Variants in YWHAZ observed in about 807,000 individuals in gnomAD.
YWHAZ encodes the protein 14-3-3 protein zeta/delta.
For synonymous variants in YWHAZ, 87 were observed against 103.6 expected, an observed-to-expected ratio of 0.84 and a Z score of 0.97; for missense variants, 79 against 284.8, an observed-to-expected ratio of 0.28 and a Z score of 5.20.
At chr8:100,937,470 T>C (rs982359676) in intron 2 of YWHAZ, among the ~76,000 whole-genome samples, 1 of 152,188 alleles carries the variant, frequency 6.6e-6, no homozygotes, top group East Asian at 1.9e-4. Context: ...CAAAGATAAT[T>C]AGACATCGAG....
At chr8:100,926,146 T>A (rs1442645298) in intron 2 of YWHAZ, among the ~76,000 whole-genome samples, 1 of 152,098 alleles carries the variant, frequency 6.6e-6, no homozygotes, top group Non-Finnish European at 1.5e-5. Context: ...TGTTTACCCA[T>A]TATGTTCCAA....
At chr8:100,928,894 A>T (rs1238696225) in intron 2 of YWHAZ, among the ~76,000 whole-genome samples, 1 of 152,224 alleles carries the variant, frequency 6.6e-6, no homozygotes, top group Non-Finnish European at 1.5e-5. Context: ...CCAAGAGACA[A>T]GACCAATTAA....
At chr8:100,945,469 T>C (rs897392437) in intron 2 of YWHAZ, among the ~76,000 whole-genome samples, 2 of 152,138 alleles carry the variant, frequency 1.3e-5, no homozygotes, top group Admixed American at 6.5e-5. Flanking sequence ...GCCAATACTA[T>C]TATTTCTGCA....
At position 100,919,813 on chromosome 8, in the gene YWHAZ, T is replaced by C. The variant is rs2130069813; in HGVS notation, c.*880A>G. On this transcript the variant is annotated 3_prime_UTR_variant, in exon 6 of 6. Coordinates refer to ENST00000395958, the MANE Select transcript of YWHAZ (RefSeq NM_145690.3). ...AGACATTAAACAAAGCTAGCCATCA[T>C]CTCAAGTTATTTCCCTGTTAACTAT... 1 of 150,444 alleles carries C rather than the reference T, an allele frequency of 6.6e-6. No individual in the cohort carries two copies. The highest frequency in any genetic ancestry group is 1.5e-5 in the Non-Finnish European group (1 of 67,810). The allele number at this position is 150,444 out of a possible 1,614,324, so 9.3% of individuals were successfully genotyped here. A position where few individuals can be genotyped will look rare whatever the true frequency, so the allele number is the denominator to read the frequency against.
rs1211522296 is a variant in YWHAZ, at chr8:100,919,305, AAG to A, written c.*1386_*1387del. 6.6e-6 allele frequency: 1 copy of A among 152,604 alleles called. No homozygotes were observed. Among genetic ancestry groups the A allele is most frequent in the Non-Finnish European group, 1.5e-5 (1 of 68,020 alleles). 9.5% of individuals were successfully genotyped at this position (152,604 alleles called of 1,614,324 possible). A position where few individuals can be genotyped will look rare whatever the true frequency, so the allele number is the denominator to read the frequency against. On this transcript the variant is annotated 3_prime_UTR_variant, in exon 6 of 6. Transcript: ENST00000395958. ...TATCAAGAAATTCTTAAAAACCAAAAAGTGATTTGGAAGCACAAAACTTACAG... is the reference window on the plus strand; with the variant it reads ...TATCAAGAAATTCTTAAAAACCAAAATGATTTGGAAGCACAAAACTTACAG...
intron 2 of YWHAZ, among the ~76,000 whole-genome samples, chr8:100,930,209 C>A (rs1813669723): frequency 6.6e-6 from 1 of 152,194 alleles, no homozygotes; most frequent in South Asian, 2.1e-4. Context: ...AGTGATTCTT[C>A]TGCCTCAGTC....
At chr8:100,940,680 T>G (rs546010403) in intron 2 of YWHAZ, among the ~76,000 whole-genome samples, 44 of 152,372 alleles carry the variant, frequency 2.9e-4, no homozygotes, top group African/African-American at 7.9e-4. Flanking sequence ...ATTTGCTATT[T>G]AACACCACCA....
intron 2 of YWHAZ, among the ~76,000 whole-genome samples, chr8:100,944,938 T>C: frequency 6.6e-6 from 1 of 152,206 alleles, no homozygotes; most frequent in East Asian, 1.9e-4. Context: ...ACATACTTCT[T>C]TGAGTTTGAA....
intron 2 of YWHAZ, among the ~76,000 whole-genome samples, chr8:100,934,151 TC>T (rs375899280): frequency 6.2e-5 from 3 of 48,176 alleles, no homozygotes; most frequent in African/African-American, 3.9e-4. Context: ...AAAGCTAGAC[TC>T]GTCTCAAAAA....
In YWHAZ at chr8:100,918,408, T is replaced by TTATATATATATATATATATATATATA. The variant is rs71572094; in HGVS notation, c.*2259_*2284dup. 37 of 41,860 alleles carry TTATATATATATATATATATATATATA rather than the reference T, an allele frequency of 8.8e-4. 1 individual carries two copies. Among genetic ancestry groups the TTATATATATATATATATATATATATA allele is most frequent in the Non-Finnish European group, 1.2e-3 (25 of 20,778 alleles). 2.6% of individuals were successfully genotyped at this position (41,860 alleles called of 1,614,324 possible). ...AGTCTAGCTATAAAATATAATTACT[T>TTATATATATATATATATATATATATA]TATATATATATATATATATATATAT... On this transcript the variant is annotated 3_prime_UTR_variant, in exon 6 of 6. Transcript: ENST00000395958.
chr8:100,925,063 TAGTG>T (rs779127102), intron 2 of YWHAZ, 24 bp from the exon 3 acceptor site: 10 of 1,593,196 alleles, frequency 6.3e-6, no homozygotes, highest in Middle Eastern at 3.4e-4. Flanking sequence ...GAAACAGACA[TAGTG>T]AGAATAAAAC....
At chr8:100,947,022 G>A (rs1810336094) in intron 2 of YWHAZ, among the ~76,000 whole-genome samples, 2 of 151,892 alleles carry the variant, frequency 1.3e-5, no homozygotes, top group Admixed American at 6.6e-5. Context: ...GGGAGGCTGA[G>A]GAGGGCGGAT....
At chr8:100,939,344 T>A (rs1220709621) in intron 2 of YWHAZ, among the ~76,000 whole-genome samples, 1 of 151,994 alleles carries the variant, frequency 6.6e-6, no homozygotes, top group Non-Finnish European at 1.5e-5. Flanking sequence ...AGCAAAATAA[T>A]CCTAGAAGGA....
At chr8:100,939,796 CG>C (rs1241944836) in intron 2 of YWHAZ, among the ~76,000 whole-genome samples, 1 of 152,194 alleles carries the variant, frequency 6.6e-6, no homozygotes, top group Non-Finnish European at 1.5e-5. Context: ...CCGAGGCAGG[CG>C]GATCACGAGG....
intron 1 of YWHAZ, 84 bp downstream of exon 1, chr8:100,951,845 G>A (rs1285485230): frequency 1.9e-5 from 19 of 986,640 alleles, no homozygotes; most frequent in African/African-American, 5.2e-5. Flanking sequence ...TGGGGATGAG[G>A]GGACGGAGCG....
At chr8:100,947,924 AG>A (rs1810427052) in intron 2 of YWHAZ, among the ~76,000 whole-genome samples, 1 of 152,248 alleles carries the variant, frequency 6.6e-6, no homozygotes, top group African/African-American at 2.4e-5. Context: ...TTTATATGAC[AG>A]ATTAAAATTA....
rs780150324 is a variant in YWHAZ, at chr8:100,920,688, G to T, written c.*5C>A. The T allele has an allele frequency of 6.2e-7, 1 of 1,608,392 alleles. No individual in the cohort carries two copies. Among genetic ancestry groups the T allele is most frequent in the Non-Finnish European group, 8.5e-7 (1 of 1,177,156 alleles). ...GAATGAGGCAGACAAAAGTTGGAAG[G>T]CCGGTTAATTTTCCCCTCCTTCTCC... is the stretch of plus-strand genomic sequence containing the variant. On this transcript the variant is annotated 3_prime_UTR_variant, in exon 6 of 6. Transcript: ENST00000395958.
intron 2 of YWHAZ, among the ~76,000 whole-genome samples, chr8:100,936,669 C>T (rs553455896): frequency 2.6e-5 from 4 of 152,152 alleles, no homozygotes; most frequent in South Asian, 4.2e-4. Flanking sequence ...GGCATGGTGG[C>T]GGGTGCCTGT....
At chr8:100,951,276 C>G in intron 1 of YWHAZ, 1 of 984,784 alleles carries the variant, frequency 1.0e-6, no homozygotes, top group Non-Finnish European at 1.2e-6. Context: ...CCGGCCCGCT[C>G]TCGGCCAGGC....
Sources: gnomAD v4.1 joint callset for allele counts (sites outside exome capture counted in the v4.1 genomes callset) on GRCh38, gnomAD v4.1.1 for gene constraint, MANE v1.5 for transcripts, NCBI Gene and HGNC (gene_info 2026-07-23, HGNC 2026-07-21) for gene names.